RFTN1: variants seen among roughly 807,000 people sequenced by gnomAD.
RFTN1 encodes the protein raftlin.
A neutral mutation model predicts 46.5 loss-of-function variants in RFTN1; 26 were observed. The observed-to-expected ratio is 0.56, with a 90% confidence interval of 0.41 to 0.78. The LOEUF is 0.78. Ranked by LOEUF, RFTN1 falls within the 30% of genes least tolerant of loss-of-function variation. The pLI is 0.00. For missense variants in RFTN1, 693 were observed against 718.7 expected (o/e 0.96, Z 0.41); for synonymous variants, 261 against 284.2 (o/e 0.92, Z 0.82).
chr3:16,416,764 A>T (rs1474980645), intron 3 of RFTN1, among the ~76,000 whole-genome samples: 2 of 152,214 alleles, frequency 1.3e-5, no homozygotes, highest in Admixed American at 1.3e-4. Flanking sequence ...ACCTTCAAGG[A>T]AAAAGACCAG....
At position 16,321,939 on chromosome 3, in the gene RFTN1, GTC is replaced by G. The variant is rs994922585; in HGVS notation, c.1332+1435_1332+1436del. Among the ~76,000 whole-genome samples the G allele has an allele frequency of 6.6e-6, 1 of 152,280 alleles. No individual in the cohort carries two copies. Among genetic ancestry groups the G allele is most frequent in the African/African-American group, 2.4e-5 (1 of 41,562 alleles). ...CCTTCACACCAACATCCAACCACAT[GTC>G]TCTCCTTTGGAATCTGTGTGCCCCA... On this transcript the variant is annotated intron_variant, in intron 9 of 9. Transcript: ENST00000334133. The surrounding 1 kb of genome is among the most constrained non-coding windows in gnomAD (Gnocchi z 4.8).
intron 3 of RFTN1, among the ~76,000 whole-genome samples, chr3:16,420,592 C>T (rs1448351035): frequency 6.6e-6 from 1 of 152,176 alleles, no homozygotes; most frequent in Non-Finnish European, 1.5e-5. Flanking sequence ...CAAATCATCC[C>T]ACCTATACCC....
At chr3:16,472,258 G>A (rs1468942141) in intron 2 of RFTN1, 1 of 152,072 alleles carries the variant, frequency 6.6e-6, no homozygotes, top group Non-Finnish European at 1.5e-5. Flanking sequence ...CAGGTGTTGG[G>A]ATGGAAAGCC....
chr3:16,404,842 G>T (rs1487963627), intron 4 of RFTN1, among the ~76,000 whole-genome samples: 3 of 152,076 alleles, frequency 2.0e-5, no homozygotes, highest in Non-Finnish European at 2.9e-5. Flanking sequence ...CCTATGGAGG[G>T]TCTAATCCAG....
rs200508183 is a variant in RFTN1, at chr3:16,409,419, C to G, written c.397G>C (p.Asp133His). The G allele has an allele frequency of 1.2e-6, 2 of 1,613,776 alleles. No homozygotes were observed. The highest frequency in any genetic ancestry group is 1.1e-5 in the South Asian group (1 of 91,064). Residue 133 changes from aspartate to histidine, a missense_variant, in exon 4 of 10, where the codon GAC becomes CAC. Coordinates refer to ENST00000334133, the MANE Select transcript of RFTN1 (RefSeq NM_015150.2). ...ILELDCCSSL[D>H]HPTDQKLIPE... ...ATGAGTTTCTGGTCTGTCGGGTGGT[C>G]TAAGGAGGAACAGCAATCTAATTCC... is the stretch of plus-strand genomic sequence containing the variant.
rs2072230150 is a variant in RFTN1 at position 16,353,536 on chromosome 3, A to AAAAT, written c.1146+4392_1146+4395dup. Among the ~76,000 whole-genome samples the AAAAT allele has an allele frequency of 6.6e-6, 1 of 152,178 alleles. No individual in the cohort carries two copies. Among genetic ancestry groups the AAAAT allele is most frequent in the Non-Finnish European group, 1.5e-5 (1 of 68,034 alleles). On this transcript the variant is annotated intron_variant, in intron 7 of 9. Coordinates refer to ENST00000334133, the MANE Select transcript of RFTN1 (RefSeq NM_015150.2). This position sits in a 1 kb window ranked among gnomAD's most constrained non-coding sequence, Gnocchi z 5.4. The stretch of plus-strand genomic sequence containing the variant: ...CTCACTTGAAAATGTTTTAGAAATG[A>AAAAT]AAATTCTTGGGCCCCATCTCAGAGC...
rs2075777854 is a variant in RFTN1, at chr3:16,448,837, A to G, written c.146-14800T>C. On this transcript the variant is annotated intron_variant, in intron 2 of 9. Coordinates refer to ENST00000334133, the MANE Select transcript of RFTN1 (RefSeq NM_015150.2). This position sits in a 1 kb window ranked among gnomAD's most constrained non-coding sequence, Gnocchi z 4.1. ...TGCGACTCACTGCTCTAGCAAAACT[A>G]GAAATAACTGCTGGAGGCAAGCAGC... Among the ~76,000 whole-genome samples the G allele has an allele frequency of 6.6e-6, 1 of 152,210 alleles. No individual in the cohort carries two copies.
intron 1 of RFTN1, among the ~76,000 whole-genome samples, chr3:16,496,708 C>T (rs939714062): frequency 2.0e-5 from 3 of 152,232 alleles, no homozygotes; most frequent in South Asian, 2.1e-4. Context: ...TCCTGTGACC[C>T]GGAAATTCCT....
Position 16,356,049 on chromosome 3 carries a change from C to G in RFTN1, c.1146+1883G>C, listed in dbSNP as rs1034700850. ...CGGAGCAAACTGAATGCCGGCTGCTCAGTCCTTCAGATCCTCAACTCTTGG... is the reference window on the plus strand; with the variant it reads ...CGGAGCAAACTGAATGCCGGCTGCTGAGTCCTTCAGATCCTCAACTCTTGG... On this transcript the variant is annotated intron_variant, in intron 7 of 9. Coordinates refer to ENST00000334133, the MANE Select transcript of RFTN1 (RefSeq NM_015150.2). The surrounding 1 kb of genome is among the most constrained non-coding windows in gnomAD (Gnocchi z 4.9). 1.3e-5 allele frequency among the ~76,000 whole-genome samples: 2 copies of G among 152,228 alleles called. No individual in the cohort carries two copies. The highest frequency in any genetic ancestry group is 2.9e-5 in the Non-Finnish European group (2 of 68,040).
intron 4 of RFTN1, among the ~76,000 whole-genome samples, chr3:16,378,813 G>A (rs1431390683): frequency 1.3e-5 from 2 of 151,920 alleles, no homozygotes; most frequent in African/African-American, 2.4e-5. Flanking sequence ...CATCAGCAGC[G>A]AGGTGATGGT....
rs1360879939 is a variant in RFTN1, at chr3:16,321,667, A to G, written c.1332+1709T>C. Among the ~76,000 whole-genome samples, 1 of 152,184 alleles carries G rather than the reference A, an allele frequency of 6.6e-6. No homozygotes were observed. The highest frequency in any genetic ancestry group is 2.1e-4 in the South Asian group (1 of 4,834). On this transcript the variant is annotated intron_variant, in intron 9 of 9. Transcript: ENST00000334133. This position sits in a 1 kb window ranked among gnomAD's most constrained non-coding sequence, Gnocchi z 4.8. ...AACAAGTGCTCCACACCAGTCACCT[A>G]CAGTCTTGGAATGAGGCAGGAAATA... is the stretch of plus-strand genomic sequence containing the variant.
chr3:16,478,522 T>C (rs2076318401), intron 2 of RFTN1, among the ~76,000 whole-genome samples: 1 of 152,212 alleles, frequency 6.6e-6, no homozygotes, highest in African/African-American at 2.4e-5. Flanking sequence ...GCATTATTAA[T>C]ATATAACAAA....
rs79179204 is a variant in RFTN1 at position 16,507,778 on chromosome 3, C to A, written c.-9+5664G>T. 0.018 allele frequency among the ~76,000 whole-genome samples: 2,745 copies of A among 151,428 alleles called. 86 individuals carry two copies. The highest frequency in any genetic ancestry group is 0.062 in the African/African-American group (2,568 of 41,184). ...TCACATACACACAAACACACACATA[C>A]ACTCACATACACACAAACACACACA... On this transcript the variant is annotated intron_variant, in intron 1 of 9. Transcript: ENST00000334133. This position sits in a 1 kb window ranked among gnomAD's most constrained non-coding sequence, Gnocchi z 7.1.
rs1230052323 is a variant in RFTN1 at position 16,345,517 on chromosome 3, C to G, written c.1146+12415G>C. Among the ~76,000 whole-genome samples, 3 of 152,032 alleles carry G rather than the reference C, an allele frequency of 2.0e-5. No individual in the cohort carries two copies. Among genetic ancestry groups the G allele is most frequent in the Non-Finnish European group, 4.4e-5 (3 of 68,006 alleles). On this transcript the variant is annotated intron_variant, in intron 7 of 9. Coordinates refer to ENST00000334133, the MANE Select transcript of RFTN1 (RefSeq NM_015150.2). This position sits in a 1 kb window ranked among gnomAD's most constrained non-coding sequence, Gnocchi z 5.2. ...GGCCCTCCCCAGTGTGGGTGGACAC[C>G]ATCCAGTCATTGAGGACCTGAACAG...
chr3:16,403,779 A>T (rs184260096), intron 4 of RFTN1, among the ~76,000 whole-genome samples: 1,762 of 11,466 alleles, frequency 0.15, 295 homozygotes, highest in Admixed American at 0.18. Flanking sequence ...TATAATATAT[A>T]TTATATATTT....
chr3:16,385,830 G>T lies in RFTN1; in HGVS notation c.442-7728C>A, dbSNP rs1248817217. On this transcript the variant is annotated intron_variant, in intron 4 of 9. Coordinates refer to ENST00000334133, the MANE Select transcript of RFTN1 (RefSeq NM_015150.2). The surrounding 1 kb of genome is among the most constrained non-coding windows in gnomAD (Gnocchi z 5.0). ...TGCCCATCAGCAGAATTCAACATAT[G>T]TGTGGTTGTCTGCATTCAGAACAGG... is the stretch of plus-strand genomic sequence containing the variant. 6.6e-5 allele frequency among the ~76,000 whole-genome samples: 10 copies of T among 152,148 alleles called. No individual in the cohort carries two copies. Among genetic ancestry groups the T allele is most frequent in the Admixed American group, 6.5e-4 (10 of 15,288 alleles).
rs11328874 is a variant in RFTN1, at chr3:16,468,631, TAA to T, written c.145+25092_145+25093del. On this transcript the variant is annotated intron_variant, in intron 2 of 9. Coordinates refer to ENST00000334133, the MANE Select transcript of RFTN1 (RefSeq NM_015150.2). The surrounding 1 kb of genome is among the most constrained non-coding windows in gnomAD (Gnocchi z 4.4). ...CCTCACGTACAACCCAGCGTTTGAG[TAA>T]AAAAAAAAAAAAAAAAAACTTTACT... Among the ~76,000 whole-genome samples, 198 of 100,114 alleles carry T rather than the reference TAA, an allele frequency of 2.0e-3. No individual in the cohort carries two copies. The highest frequency in any genetic ancestry group is 6.4e-3 in the South Asian group (20 of 3,144). The allele number at this position is 100,114 out of a possible 152,430, so 65.7% of individuals were successfully genotyped here. A position where few individuals can be genotyped will look rare whatever the true frequency, so the allele number is the denominator to read the frequency against.
rs1278728654 is a variant in RFTN1, at chr3:16,507,633, CAT to C, written c.-9+5807_-9+5808del. Among the ~76,000 whole-genome samples the C allele has an allele frequency of 5.9e-5, 9 of 151,320 alleles. No individual in the cohort carries two copies. The highest frequency in any genetic ancestry group is 1.2e-4 in the Non-Finnish European group (8 of 67,814). ...ACACACACACACACATACACACACA[CAT>C]GCACACATCCACAAACACGCACATA... On this transcript the variant is annotated intron_variant, in intron 1 of 9. Coordinates refer to ENST00000334133, the MANE Select transcript of RFTN1 (RefSeq NM_015150.2). This position sits in a 1 kb window ranked among gnomAD's most constrained non-coding sequence, Gnocchi z 7.1.
In RFTN1 at chr3:16,321,156, T is replaced by G. The variant is rs1575239474; in HGVS notation, c.1332+2220A>C. ...CTAGATAGGGTGGCGGTTGGCCAGG[T>G]GGGCGAGGTATGGGGAGGGGGACAG... On this transcript the variant is annotated intron_variant, in intron 9 of 9. Coordinates refer to ENST00000334133, the MANE Select transcript of RFTN1 (RefSeq NM_015150.2). The surrounding 1 kb of genome is among the most constrained non-coding windows in gnomAD (Gnocchi z 4.8). Among the ~76,000 whole-genome samples, 1 of 151,476 alleles carries G rather than the reference T, an allele frequency of 6.6e-6. No individual in the cohort carries two copies. Among genetic ancestry groups the G allele is most frequent in the Non-Finnish European group, 1.5e-5 (1 of 67,868 alleles).
Sources: allele counts gnomAD v4.1 joint callset (sites outside exome capture counted in the v4.1 genomes callset), GRCh38; gene constraint gnomAD v4.1.1; non-coding constraint Gnocchi (gnomAD v3.1); transcripts MANE v1.5; gene names NCBI Gene and HGNC (gene_info 2026-07-23, HGNC 2026-07-21).